The following ANKRD30BL variants were observed in gnomAD, a reference collection of about 807,000 sequenced individuals.
The protein encoded by ANKRD30BL is ankyrin repeat domain 30B like.
A neutral mutation model predicts 18.4 loss-of-function variants in ANKRD30BL; 20 were observed. That is an observed-to-expected ratio of 1.09 (90% CI 0.77 to 1.58). The LOEUF (loss-of-function observed/expected upper bound fraction) is 1.58, where lower values mean the gene tolerates loss of function less well. ANKRD30BL is among the 40% of genes most tolerant of loss of function. The pLI is 0.00. For synonymous variants in ANKRD30BL, 72 were observed against 100.9 expected, an observed-to-expected ratio of 0.71 and a Z score of 1.72; for missense variants, 224 against 268.6, an observed-to-expected ratio of 0.83 and a Z score of 1.16.
chr2:132,219,227 A>G (rs993753371), intron 1 of ANKRD30BL, among the ~76,000 whole-genome samples: 1 of 152,100 alleles, frequency 6.6e-6, no homozygotes, highest in African/African-American at 2.4e-5. Flanking sequence ...ATACTGTATC[A>G]TAGAGCAGTT....
chr2:132,162,143 C>T (rs1451909776), upstream of ANKRD30BL, among the ~76,000 whole-genome samples: 1 of 152,084 alleles, frequency 6.6e-6, no homozygotes, highest in Non-Finnish European at 1.5e-5. Context: ...CTGCCCCTGT[C>T]CCCTCCTCAA....
chr2:132,173,301 C>CT (rs35866741), intron 1 of ANKRD30BL, among the ~76,000 whole-genome samples: 47,424 of 129,296 alleles, frequency 0.37, 9,035 homozygotes, highest in East Asian at 0.52. Flanking sequence ...AATTTTGCTT[C>CT]TTTTTTTTTT....
At chr2:132,192,885 AAGAAACAT>A (rs1558926400) in intron 1 of ANKRD30BL, among the ~76,000 whole-genome samples, 6 of 152,238 alleles carry the variant, frequency 3.9e-5, no homozygotes, top group Non-Finnish European at 7.3e-5. Context: ...CTTTACATAG[AAGAAACAT>A]GGCCTAAGGC....
At chr2:132,194,816 G>T (rs1040247653) in intron 1 of ANKRD30BL, among the ~76,000 whole-genome samples, 2 of 152,210 alleles carry the variant, frequency 1.3e-5, no homozygotes, top group Non-Finnish European at 2.9e-5. Flanking sequence ...TGAGTGGTGA[G>T]CTCTGCCTGG....
chr2:132,160,736 T>C (rs1688034565), intron 1 of ANKRD30BL, among the ~76,000 whole-genome samples: 1 of 152,082 alleles, frequency 6.6e-6, no homozygotes, highest in African/African-American at 2.4e-5. Context: ...CCATGGCCCA[T>C]TTTGTGCAAA....
intron 1 of ANKRD30BL, among the ~76,000 whole-genome samples, chr2:132,222,030 TC>T (rs1369052446): frequency 1.1e-5 from 1 of 89,652 alleles, no homozygotes; most frequent in Non-Finnish European, 2.1e-5. Flanking sequence ...AGCCACCCTG[TC>T]CGGGAGGGAG....
chr2:132,231,493 G>A (rs992425397), intron 1 of ANKRD30BL, among the ~76,000 whole-genome samples: 4 of 152,228 alleles, frequency 2.6e-5, no homozygotes, highest in African/African-American at 7.2e-5. Context: ...CACCGTGCAC[G>A]AGCTGAAGCA....
intron 1 of ANKRD30BL, among the ~76,000 whole-genome samples, chr2:132,247,090 T>A (rs541898739): frequency 7.3e-5 from 11 of 151,682 alleles, no homozygotes; most frequent in African/African-American, 2.7e-4. Context: ...TCTCTTTTTG[T>A]AGAATCTGCA....
chr2:132,178,254 G>A (rs1488762720), intron 1 of ANKRD30BL, among the ~76,000 whole-genome samples: 2 of 152,118 alleles, frequency 1.3e-5, no homozygotes, highest in South Asian at 2.1e-4. Context: ...TAAAATGTAC[G>A]GCAGAGTAAT....
At position 132,225,298 on chromosome 2, in the gene ANKRD30BL, G is replaced by A. The variant is rs36196840; in HGVS notation, n.441+32231C>T. On this transcript the variant is annotated intron_variant and non_coding_transcript_variant, in intron 1 of 4. Transcript: ENST00000470729. ...AAGTGGACATTTGGAGAGCTTTGAG[G>A]CCTATGGTGGAAAAACAAATATCTT... is the stretch of plus-strand genomic sequence containing the variant. Among the ~76,000 whole-genome samples, 5 of 152,172 alleles carry A rather than the reference G, an allele frequency of 3.3e-5. No homozygotes were observed. In the East Asian group the frequency reaches 7.7e-4, roughly 24 times the overall value.
At chr2:132,245,980 C>T (rs529612715) in intron 1 of ANKRD30BL, among the ~76,000 whole-genome samples, 1 of 151,566 alleles carries the variant, frequency 6.6e-6, no homozygotes, top group Non-Finnish European at 1.5e-5. Context: ...TAGACAGAAG[C>T]ATTCTCAGAA....
chr2:132,233,754 A>G lies in ANKRD30BL; in HGVS notation n.441+23775T>C, dbSNP rs1192431205. Among the ~76,000 whole-genome samples the G allele has an allele frequency of 8.8e-5, 13 of 147,112 alleles. No individual in the cohort carries two copies. In the East Asian group the frequency reaches 1.0e-3, roughly 12 times the overall value. On this transcript the variant is annotated intron_variant and non_coding_transcript_variant, in intron 1 of 4. Transcript: ENST00000470729. Reference sequence around the variant, plus strand: ...TAATAATGGGAGACTTTAACACCCCACTGTCAACATTAGACAGATCAACGA... The same window carrying G: ...TAATAATGGGAGACTTTAACACCCCGCTGTCAACATTAGACAGATCAACGA...
At position 132,157,447 on chromosome 2, in the gene ANKRD30BL, A is replaced by G. The variant is rs745638922; in HGVS notation, c.219-24T>C. 83 of 617,426 alleles carry G rather than the reference A, an allele frequency of 1.3e-4. 1 individual carries two copies. The South Asian group carries it at 1.6e-3, about 12-fold the overall frequency. 38.2% of individuals were successfully genotyped at this position (617,426 alleles called of 1,614,324 possible). A position where few individuals can be genotyped will look rare whatever the true frequency, so the allele number is the denominator to read the frequency against. ...TCCTACAAGAATGAGAGGCCTTTTA[A>G]GGAAAGTTTAGTCCACTGTCTCAAA... On this transcript the variant is annotated intron_variant, in intron 1 of 5. Transcript: ENST00000409867.
upstream of ANKRD30BL, among the ~76,000 whole-genome samples, chr2:132,162,665 C>A (rs942441678): frequency 5.3e-5 from 8 of 152,378 alleles, no homozygotes; most frequent in African/African-American, 1.9e-4. Flanking sequence ...ATGCCAGCTG[C>A]AGCTGAGCCC....
chr2:132,221,207 C>G (rs1256932011), intron 1 of ANKRD30BL, among the ~76,000 whole-genome samples: 7 of 146,294 alleles, frequency 4.8e-5, no homozygotes, highest in Non-Finnish European at 7.4e-5. Flanking sequence ...GGGTCAGCCC[C>G]CCGCCCGGCC....
At chr2:132,224,060 G>A (rs1679773648) in intron 1 of ANKRD30BL, among the ~76,000 whole-genome samples, 1 of 152,080 alleles carries the variant, frequency 6.6e-6, no homozygotes, top group African/African-American at 2.4e-5. Flanking sequence ...GGGCAGGGTT[G>A]AAACTCTCTT....
upstream of ANKRD30BL, among the ~76,000 whole-genome samples, chr2:132,165,036 T>A (rs1440174235): frequency 6.6e-6 from 1 of 152,028 alleles, no homozygotes; most frequent in Non-Finnish European, 1.5e-5. Flanking sequence ...ATCGTGCCAC[T>A]GCACTCCAGC....
intron 1 of ANKRD30BL, among the ~76,000 whole-genome samples, chr2:132,229,114 A>G (rs1392552032): frequency 6.6e-6 from 1 of 152,112 alleles, no homozygotes. Context: ...AAATATCTTC[A>G]TGTAAAAAGT....
At chr2:132,175,533 C>T (rs1321565063) in intron 1 of ANKRD30BL, among the ~76,000 whole-genome samples, 4 of 152,202 alleles carry the variant, frequency 2.6e-5, no homozygotes, top group Non-Finnish European at 5.9e-5. Context: ...AGACAGTGGC[C>T]TTCCTCTATC....
Sources: gnomAD v4.1 joint callset for allele counts (sites outside exome capture counted in the v4.1 genomes callset) on GRCh38, gnomAD v4.1.1 for gene constraint, MANE v1.5 for transcripts, NCBI Gene and HGNC (gene_info 2026-07-23, HGNC 2026-07-21) for gene names.